Variants in ZNF783 observed in about 807,000 individuals in gnomAD.
The protein encoded by ZNF783 is zinc finger protein 783.
In ZNF783, 25 loss-of-function variants were observed where a neutral mutation model predicts 31.3. That is an observed-to-expected ratio of 0.80 (90% CI 0.58 to 1.11). The LOEUF (loss-of-function observed/expected upper bound fraction) is 1.11. Ranked by LOEUF, ZNF783 falls within the 50% of genes most tolerant of loss-of-function variation. The pLI, the probability that ZNF783 is intolerant of heterozygous loss-of-function variation, is 0.00. For synonymous variants in ZNF783, 369 were observed against 319.1 expected, an observed-to-expected ratio of 1.16 and a Z score of -1.66; for missense variants, 797 against 760.0, an observed-to-expected ratio of 1.05 and a Z score of -0.57.
intron 1 of ZNF783, among the ~76,000 whole-genome samples, chr7:149,263,322 ATATTT>A (rs1796989176): frequency 8.8e-6 from 1 of 113,650 alleles, no homozygotes; most frequent in Non-Finnish European, 2.0e-5. Context: ...ATATATATAT[ATATTT>A]TTTTTTTAGA....
In ZNF783 at chr7:149,266,754, G is replaced by C. The variant is rs36045700; in HGVS notation, c.420+24G>C. ...AGGTAGCACCGGGACACCCTGGGGT[G>C]GGGGAGCTCGAGGGGCTGAGCCTGT... On this transcript the variant is annotated intron_variant, in intron 2 of 5. Transcript: ENST00000434415. 8.1e-6 allele frequency: 13 copies of C among 1,613,326 alleles called. No individual in the cohort carries two copies. The East Asian group carries it at 8.9e-5, about 11-fold the overall frequency.
At chr7:149,264,187 T>C (rs1281060787) in intron 1 of ZNF783, among the ~76,000 whole-genome samples, 7 of 152,248 alleles carry the variant, frequency 4.6e-5, no homozygotes, top group African/African-American at 1.7e-4. Context: ...CCACATCAGT[T>C]TTTTCTTCAT....
Position 149,263,565 on chromosome 7 carries a change from C to T in ZNF783, c.24+1208C>T, listed in dbSNP as rs139176228. ...TCATAAGAATACACTATAAGTATTCCTATACAGAATTTTTCTCCTGGAGAA... is the reference window on the plus strand; with the variant it reads ...TCATAAGAATACACTATAAGTATTCTTATACAGAATTTTTCTCCTGGAGAA... On this transcript the variant is annotated intron_variant, in intron 1 of 5. Transcript: ENST00000434415. 6.8e-3 allele frequency among the ~76,000 whole-genome samples: 1,037 copies of T among 151,960 alleles called. 12 individuals carry two copies. Among genetic ancestry groups the T allele is most frequent in the Admixed American group, 0.03 (453 of 15,278 alleles).
Position 149,267,092 on chromosome 7 carries a change from C to T in ZNF783, c.548-5C>T. ...GCTCTTCCTCATTTCTTGTTCTGTGCACAGATTATGCAATCTCCAAACCAG... is the reference window on the plus strand; with the variant it reads ...GCTCTTCCTCATTTCTTGTTCTGTGTACAGATTATGCAATCTCCAAACCAG... On this transcript the variant is annotated splice_polypyrimidine_tract_variant and splice_region_variant and intron_variant, in intron 3 of 5. Coordinates refer to ENST00000434415, the MANE Select transcript of ZNF783 (RefSeq NM_001195220.2). The T allele has an allele frequency of 1.2e-6, 2 of 1,601,524 alleles. No homozygotes were observed. Among genetic ancestry groups the T allele is most frequent in the Non-Finnish European group, 8.5e-7 (1 of 1,179,808 alleles).
At position 149,281,739 on chromosome 7, in the gene ZNF783, A is replaced by G; in HGVS notation, c.1037A>G (p.Gln346Arg). The G allele has an allele frequency of 6.8e-7, 1 of 1,479,740 alleles. No individual in the cohort carries two copies. Among genetic ancestry groups the G allele is most frequent in the South Asian group, 1.4e-5 (1 of 73,332 alleles). The allele number at this position is 1,479,740 out of a possible 1,614,324, so 91.7% of individuals were successfully genotyped here. Reference protein sequence around the residue: ...ETPRVLSRRRQRAFPCPDCGQ... With the variant: ...ETPRVLSRRRRRAFPCPDCGQ... Reference sequence around the variant, plus strand: ...CCCCGAGTCCTCTCCCGCAGGCGGCAGCGGGCATTCCCCTGCCCCGACTGC... The same window carrying G: ...CCCCGAGTCCTCTCCCGCAGGCGGCGGCGGGCATTCCCCTGCCCCGACTGC... Residue 346 changes from glutamine (Q) to arginine (R), a missense_variant, in exon 6 of 6, where the codon CAG becomes CGG. Gln to Arg is a conservative substitution (Grantham distance 43). Transcript: ENST00000434415.
intron 1 of ZNF783, among the ~76,000 whole-genome samples, chr7:149,263,524 A>C (rs1172418700): frequency 6.6e-6 from 1 of 152,048 alleles, no homozygotes; most frequent in Non-Finnish European, 1.5e-5. Flanking sequence ...ATACATATCT[A>C]TATGAATAAG....
chr7:149,278,392 T>C lies in ZNF783; in HGVS notation c.674-7T>C, dbSNP rs1292127013. Reference sequence around the variant, plus strand: ...TGTGCTCAATGTCACTGATTTACATTCTCCAGGCCTCCCTCCGTATCCAGA... The same window carrying C: ...TGTGCTCAATGTCACTGATTTACATCCTCCAGGCCTCCCTCCGTATCCAGA... On this transcript the variant is annotated splice_region_variant and splice_polypyrimidine_tract_variant and intron_variant, in intron 4 of 5. Coordinates refer to ENST00000434415, the MANE Select transcript of ZNF783 (RefSeq NM_001195220.2). 1 of 1,598,920 alleles carries C rather than the reference T, an allele frequency of 6.3e-7. No homozygotes were observed. The highest frequency in any genetic ancestry group is 8.5e-7 in the Non-Finnish European group (1 of 1,179,642).
At chr7:149,273,299 G>T (rs1210730952) in intron 4 of ZNF783, among the ~76,000 whole-genome samples, 1 of 152,058 alleles carries the variant, frequency 6.6e-6, no homozygotes, top group African/African-American at 2.4e-5. Context: ...TGGTAGTTCT[G>T]CTTTTAGTTT....
Position 149,281,990 on chromosome 7 carries a change from C to T in ZNF783, c.1288C>T (p.Pro430Ser). The T allele has an allele frequency of 6.3e-7, 1 of 1,577,504 alleles. No individual in the cohort carries two copies. Among genetic ancestry groups the T allele is most frequent in the Non-Finnish European group, 8.5e-7 (1 of 1,170,016 alleles). The change falls in exon 6 of 6, where the codon CCT (proline) becomes TCT (serine). Residue 430 changes from proline to serine, a missense_variant. Pro to Ser is a moderately conservative substitution (Grantham distance 74). Transcript: ENST00000434415. ...GGGCCGTGCCTTGGTGGGGCGGCGG[C>T]CTGCAGCCAGCAAGATGTACCACTG... ...AGGRALVGRR[P>S]AASKMYHCSE...
At chr7:149,280,096 G>A (rs1477029253) in intron 5 of ZNF783, among the ~76,000 whole-genome samples, 2 of 102,326 alleles carry the variant, frequency 2.0e-5, no homozygotes, top group Non-Finnish European at 4.3e-5. Context: ...CCGGGCGGGG[G>A]GCTGACCCCC....
chr7:149,275,802 G>T (rs1203548876), intron 4 of ZNF783: 1 of 152,276 alleles, frequency 6.6e-6, no homozygotes, highest in African/African-American at 2.4e-5. Flanking sequence ...CTGACTTGCA[G>T]GCTGCTTGAT....
In ZNF783 at chr7:149,282,555, G is replaced by T. The variant is rs1322784938; in HGVS notation, c.*212G>T. 9.1e-6 allele frequency: 5 copies of T among 551,880 alleles called. No homozygotes were observed. The highest frequency in any genetic ancestry group is 1.6e-5 in the Non-Finnish European group (5 of 320,046). The allele number at this position is 551,880 out of a possible 1,614,324, so 34.2% of individuals were successfully genotyped here. On this transcript the variant is annotated 3_prime_UTR_variant, in exon 6 of 6. Coordinates refer to ENST00000434415, the MANE Select transcript of ZNF783 (RefSeq NM_001195220.2). ...TTTTCTGCATTCCTGACTTCTAAAA[G>T]ATGCCTTAAGGCTTAAGGGATGCCA...
chr7:149,266,893 G>A lies in ZNF783; in HGVS notation c.495G>A (p.Lys165=), dbSNP rs533865085. 2.3e-5 allele frequency: 37 copies of A among 1,614,140 alleles called. No homozygotes were observed. In the African/African-American group the frequency reaches 4.7e-4, roughly 20 times the overall value. The change falls in exon 3 of 6, where the codon AAG becomes AAA. Residue 165 remains lysine, a synonymous_variant. Coordinates refer to ENST00000434415, the MANE Select transcript of ZNF783 (RefSeq NM_001195220.2). ...GGGGCAAGCTGGAGGACTGGCAGAA[G>A]GAGCTCTACAAGCACGTGATGAGGG... The part of the protein sequence containing the change: ...LEWGKLEDWQ[K]ELYKHVMRGN...
chr7:149,282,404 C>A lies in ZNF783; in HGVS notation c.*61C>A, dbSNP rs2129525266. On this transcript the variant is annotated 3_prime_UTR_variant, in exon 6 of 6. Transcript: ENST00000434415. ...CTCTCCCCTGTGCCTGACGCAGGTT[C>A]TTCCTTTTCCTGGGATGGAGAGAGG... 7.6e-7 allele frequency: 1 copy of A among 1,323,042 alleles called. No individual in the cohort carries two copies. The highest frequency in any genetic ancestry group is 1.5e-5 in the South Asian group (1 of 64,698). The allele number at this position is 1,323,042 out of a possible 1,614,324, so 82.0% of individuals were successfully genotyped here.
At chr7:149,263,770 T>C (rs1441421149) in intron 1 of ZNF783, among the ~76,000 whole-genome samples, 1 of 152,190 alleles carries the variant, frequency 6.6e-6, no homozygotes, top group Non-Finnish European at 1.5e-5. Flanking sequence ...CCTACTATTA[T>C]TAATACACCT....
chr7:149,264,056 A>T (rs1797003651), intron 1 of ZNF783, among the ~76,000 whole-genome samples: 1 of 152,138 alleles, frequency 6.6e-6, no homozygotes, highest in Non-Finnish European at 1.5e-5. Context: ...GCAGCACTTG[A>T]GATCCCAAAA....
intron 5 of ZNF783, among the ~76,000 whole-genome samples, chr7:149,279,632 G>GTTTTTTTTTTTTTTTTTTTTTTT (rs764203926): frequency 5.0e-5 from 5 of 100,340 alleles, no homozygotes; most frequent in Non-Finnish European, 9.9e-5. Context: ...TTTTATCTTT[G>GTTTTTTTTTTTTTTTTTTTTTTT]TTTTTTTTTT....
chr7:149,278,910 T>G (rs548713005), intron 5 of ZNF783, among the ~76,000 whole-genome samples: 98 of 152,286 alleles, frequency 6.4e-4, no homozygotes, highest in African/African-American at 2.3e-3. Context: ...AGCATGGTGT[T>G]TCTCAGTAAA....
intron 4 of ZNF783, among the ~76,000 whole-genome samples, chr7:149,270,795 T>C (rs1350995837): frequency 6.6e-6 from 1 of 152,224 alleles, no homozygotes; most frequent in Non-Finnish European, 1.5e-5. Flanking sequence ...TGATTTCTAT[T>C]GGTGAGGAGT....
Sources: gnomAD v4.1 joint callset for allele counts (sites outside exome capture counted in the v4.1 genomes callset) on GRCh38, gnomAD v4.1.1 for gene constraint, MANE v1.5 for transcripts, NCBI Gene and HGNC (gene_info 2026-07-23, HGNC 2026-07-21) for gene names.